PHF19: variants seen among roughly 807,000 people sequenced by gnomAD.
PHF19 encodes the protein PHD finger protein 19, also known as polycomb like 3.
PHF19 carries 21 observed loss-of-function variants against 79.8 expected under a neutral mutation model. The ratio of observed to expected loss-of-function variants is 0.26; its 90% CI spans 0.19 to 0.38. PHF19 has a LOEUF of 0.38. Ranked by LOEUF, PHF19 falls within the 10% of genes least tolerant of loss-of-function variation. The pLI is 1.00. For synonymous variants in PHF19, 273 were observed against 296.3 expected, an observed-to-expected ratio of 0.92 and a Z score of 0.81; for missense variants, 445 against 744.2, an observed-to-expected ratio of 0.60 and a Z score of 4.68.
Position 120,861,111 on chromosome 9 carries a change from C to T in PHF19, c.1282G>A (p.Asp428Asn), listed in dbSNP as rs1195300695. 1 of 1,607,724 alleles carries T rather than the reference C, an allele frequency of 6.2e-7. No individual in the cohort carries two copies. The highest frequency in any genetic ancestry group is 8.5e-7 in the Non-Finnish European group (1 of 1,174,136). Reference sequence around the variant, plus strand: ...TACCTTTTTAAACTTTGAATTTCATCCAGCGTGAAGTCAAATATGCTAGCC... The same window carrying T: ...TACCTTTTTAAACTTTGAATTTCATTCAGCGTGAAGTCAAATATGCTAGCC... ...HLASIFDFTL[D>N]EIQSLKSASS... The change falls in exon 13 of 15, where the codon GAT becomes AAT. Residue 428 changes from aspartate to asparagine, a missense_variant. Coordinates refer to ENST00000373896, the MANE Select transcript of PHF19 (RefSeq NM_015651.3).
chr9:120,888,566 C>T (rs192961253), intron 1 of PHF19, among the ~76,000 whole-genome samples: 400 of 152,278 alleles, frequency 2.6e-3, no homozygotes, highest in African/African-American at 9.0e-3. Context: ...TCCACAGCAC[C>T]AGGGGAGGTG....
upstream of PHF19, among the ~76,000 whole-genome samples, chr9:120,898,754 C>T (rs2046419985): frequency 1.3e-5 from 2 of 152,136 alleles, no homozygotes; most frequent in Admixed American, 1.3e-4. Flanking sequence ...ATTTTTTACC[C>T]CTTGAAGACT....
the PHF19 span, chr9:120,903,313 C>A: frequency 1.3e-5 from 2 of 152,304 alleles, no homozygotes; most frequent in African/African-American, 4.8e-5. Flanking sequence ...CTGAAAACCC[C>A]TAGAGCTGGA....
chr9:120,872,308 G>A (rs1263481801), intron 3 of PHF19, among the ~76,000 whole-genome samples: 1 of 152,234 alleles, frequency 6.6e-6, no homozygotes, highest in Non-Finnish European at 1.5e-5. Context: ...GGAGATGCTA[G>A]AGGGTCACCA....
At position 120,869,689 on chromosome 9, in the gene PHF19, C is replaced by T. The variant is rs2045830286; in HGVS notation, c.465+156G>A. On this transcript the variant is annotated intron_variant, in intron 5 of 14. Transcript: ENST00000373896. This position sits in a 1 kb window ranked among gnomAD's most constrained non-coding sequence, Gnocchi z 5.8. ...AGGAAACTGAGGCTCAGGGAGTCTACAAATCCTGGCCAAGGACAGTGGCAG... is the reference window on the plus strand; with the variant it reads ...AGGAAACTGAGGCTCAGGGAGTCTATAAATCCTGGCCAAGGACAGTGGCAG... 1 of 1,552,176 alleles carries T rather than the reference C, an allele frequency of 6.4e-7. No homozygotes were observed. The highest frequency in any genetic ancestry group is 1.2e-5 in the South Asian group (1 of 84,128).
chr9:120,896,960 G>A (rs1416124085), upstream of PHF19, among the ~76,000 whole-genome samples: 1 of 152,236 alleles, frequency 6.6e-6, no homozygotes, highest in Non-Finnish European at 1.5e-5. Context: ...AGTGGGCAGG[G>A]CCCACAGCCC....
chr9:120,902,973 A>G, the PHF19 span: 3 of 152,216 alleles, frequency 2.0e-5, no homozygotes. Context: ...GAAATAGGCA[A>G]TCAAAAGTGT....
intron 1 of PHF19, among the ~76,000 whole-genome samples, chr9:120,883,543 G>C (rs1169370040): frequency 6.6e-6 from 1 of 152,154 alleles, no homozygotes; most frequent in Non-Finnish European, 1.5e-5. Context: ...TGAATTGCCT[G>C]AGCTCCGGAG....
chr9:120,889,370 G>A (rs2046309503), intron 1 of PHF19, among the ~76,000 whole-genome samples: 1 of 149,000 alleles, frequency 6.7e-6, no homozygotes, highest in South Asian at 2.1e-4. Flanking sequence ...AGGTTGCAGT[G>A]AGCTGAGATC....
At chr9:120,877,740 C>T (rs536342004), upstream of PHF19, among the ~76,000 whole-genome samples, 11 of 152,204 alleles carry the variant, frequency 7.2e-5, no homozygotes, top group East Asian at 1.9e-4. Flanking sequence ...AGACACAGCA[C>T]AAGTATAATG....
At chr9:120,871,751 T>G (rs10818477) in intron 3 of PHF19, among the ~76,000 whole-genome samples, 5,729 of 152,114 alleles carry the variant, frequency 0.038, 292 homozygotes, top group East Asian at 0.26. Flanking sequence ...AGAAATGGGA[T>G]CTCTTCGGCC....
chr9:120,871,531 C>G (rs1358942031), intron 3 of PHF19, among the ~76,000 whole-genome samples: 1 of 152,092 alleles, frequency 6.6e-6, no homozygotes, highest in Non-Finnish European at 1.5e-5. Flanking sequence ...ATCAAAGTCC[C>G]CAAGTAAAGT....
chr9:120,880,797 T>G (rs2046168911), upstream of PHF19, among the ~76,000 whole-genome samples: 1 of 151,648 alleles, frequency 6.6e-6, no homozygotes, highest in African/African-American at 2.4e-5. Context: ...CTATCTCTAC[T>G]AAAAATACAA....
chr9:120,857,727 A>G lies in PHF19; in HGVS notation c.*217T>C, dbSNP rs2045392207. The G allele has an allele frequency of 2.0e-6, 1 of 512,508 alleles. No homozygotes were observed. Among genetic ancestry groups the G allele is most frequent in the Admixed American group, 3.5e-5 (1 of 28,792 alleles). 31.7% of individuals were successfully genotyped at this position (512,508 alleles called of 1,614,324 possible). ...GTGTGGAGTGTGTAGAGACACAGGCACAGGGGTAACGAGCCTGAGGAGGCC... is the reference window on the plus strand; with the variant it reads ...GTGTGGAGTGTGTAGAGACACAGGCGCAGGGGTAACGAGCCTGAGGAGGCC... On this transcript the variant is annotated 3_prime_UTR_variant, in exon 15 of 15. Transcript: ENST00000373896.
rs151197147 is a variant in PHF19 at position 120,870,481 on chromosome 9, G to A, written c.326C>T (p.Pro109Leu). The A allele has an allele frequency of 4.9e-5, 79 of 1,613,334 alleles. No individual in the cohort carries two copies. The highest frequency in any genetic ancestry group is 1.3e-5 in the African/African-American group (1 of 74,914). The change falls in exon 4 of 15, where the codon CCG (proline) becomes CTG (leucine). Residue 109 changes from proline to leucine, a missense_variant. Transcript: ENST00000373896. The surrounding 1 kb of genome is among the most constrained non-coding windows in gnomAD (Gnocchi z 4.4). Reference sequence around the variant, plus strand: ...CCCGCAGATGAGGATCTCATTCAGCGGCCCTGATGTCTTCCCTAGGCAGAT... The same window carrying A: ...CCCGCAGATGAGGATCTCATTCAGCAGCCCTGATGTCTTCCCTAGGCAGAT... ...CNICLGKTSG[P>L]LNEILICGKC...
chr9:120,861,047 T>C (rs760696557), intron 13 of PHF19, 42 bp downstream of exon 13: 11 of 1,128,688 alleles, frequency 9.7e-6, no homozygotes, highest in Admixed American at 1.7e-5. Flanking sequence ...GTTCCCTCCC[T>C]GTCTCCAGAG....
At chr9:120,888,400 C>T (rs1409450114) in intron 1 of PHF19, among the ~76,000 whole-genome samples, 1 of 152,210 alleles carries the variant, frequency 6.6e-6, no homozygotes, top group East Asian at 1.9e-4. Flanking sequence ...CAGCACTGAG[C>T]CGTGAACTTA....
At chr9:120,873,691 G>T (rs2131557314) in intron 3 of PHF19, among the ~76,000 whole-genome samples, 1 of 152,338 alleles carries the variant, frequency 6.6e-6, no homozygotes, top group African/African-American at 2.4e-5. Context: ...AGCAAACGCA[G>T]GCCTGAGGCC....
In PHF19 at chr9:120,866,894, T is replaced by C; in HGVS notation, c.686A>G (p.Asn229Ser). The change falls in exon 7 of 15, where the codon AAT becomes AGT. Residue 229 changes from asparagine to serine, a missense_variant. Asn to Ser is a conservative substitution (Grantham distance 46). Around this residue, in one of 5 missense-constraint regions of PHF19, gnomAD observed 167 missense variants for 375.8 expected, o/e 0.44. Transcript: ENST00000373896. This position sits in a 1 kb window ranked among gnomAD's most constrained non-coding sequence, Gnocchi z 5.2. Reference sequence around the variant, plus strand: ...CCGGTCTCCAAACATCATGGGCTCATTGAGGCACTGGGTGCAGGCCTCGTG... The same window carrying C: ...CCGGTCTCCAAACATCATGGGCTCACTGAGGCACTGGGTGCAGGCCTCGTG... ...WFHEACTQCLNEPMMFGDRFY... is the reference protein window; with the variant it reads ...WFHEACTQCLSEPMMFGDRFY... The C allele has an allele frequency of 6.2e-7, 1 of 1,608,914 alleles. No homozygotes were observed. The highest frequency in any genetic ancestry group is 1.3e-5 in the African/African-American group (1 of 74,910).
Sources: allele counts gnomAD v4.1 joint callset (sites outside exome capture counted in the v4.1 genomes callset), GRCh38; gene constraint gnomAD v4.1.1; regional missense constraint gnomAD v4.1.1; non-coding constraint Gnocchi (gnomAD v3.1); transcripts MANE v1.5; gene names NCBI Gene and HGNC (gene_info 2026-07-23, HGNC 2026-07-21).